Variants in ZNF253 observed in about 807,000 individuals in gnomAD.
ZNF253 encodes zinc finger protein 253, also known as DNA-binding protein.
A neutral mutation model predicts 11.9 loss-of-function variants in ZNF253; 8 were observed. The observed-to-expected ratio is 0.67, with a 90% CI of 0.40 to 1.22. ZNF253 has a LOEUF of 1.22. Ranked by LOEUF, ZNF253 falls within the 50% of genes most tolerant of loss-of-function variation. The pLI, the probability that ZNF253 is intolerant of heterozygous loss-of-function variation, is 0.01. For missense variants in ZNF253, 485 were observed against 586.9 expected (o/e 0.83, Z 1.79); for synonymous variants, 194 against 194.9 (o/e 1.00, Z 0.04).
intron 3 of ZNF253, among the ~76,000 whole-genome samples, chr19:19,881,838 A>ATTT (rs58532418): frequency 1.3e-4 from 19 of 151,190 alleles, no homozygotes; most frequent in East Asian, 7.8e-4. Context: ...ATTTCAATGG[A>ATTT]TTTTTTTTTA....
intron 3 of ZNF253, among the ~76,000 whole-genome samples, chr19:19,890,028 C>A (rs1255765104): frequency 6.6e-6 from 1 of 152,178 alleles, no homozygotes; most frequent in African/African-American, 2.4e-5. Flanking sequence ...ATGGGCCATG[C>A]TGCCCAAATA....
chr19:19,867,080 C>G (rs1436991805), intron 1 of ZNF253, among the ~76,000 whole-genome samples: 1 of 152,144 alleles, frequency 6.6e-6, no homozygotes, highest in Non-Finnish European at 1.5e-5. Context: ...GTGGCTCACG[C>G]CTGTAATAAC....
rs1468534700 is a variant in ZNF253, at chr19:19,868,830, TAATA to T, written c.3+2842_3+2845del. 3.4e-5 allele frequency among the ~76,000 whole-genome samples: 5 copies of T among 147,980 alleles called. No individual in the cohort carries two copies. The East Asian group carries it at 7.8e-4, about 23-fold the overall frequency. On this transcript the variant is annotated intron_variant, in intron 1 of 3. Transcript: ENST00000589717. ...ACATGTACCCCAGAACTTTAAAGTA[TAATA>T]AATAAATAAAAAGCTTAAAAAATAT...
intron 3 of ZNF253, among the ~76,000 whole-genome samples, chr19:19,888,682 T>C (rs373581625): frequency 6.6e-6 from 1 of 151,990 alleles, no homozygotes; most frequent in African/African-American, 2.4e-5. Flanking sequence ...ATGTTTATAA[T>C]AATTCCTCTA....
In ZNF253 at chr19:19,891,500, C is replaced by A; in HGVS notation, c.253C>A (p.Leu85Ile). 1.2e-6 allele frequency: 2 copies of A among 1,602,280 alleles called. No homozygotes were observed. Among genetic ancestry groups the A allele is most frequent in the Non-Finnish European group, 8.5e-7 (1 of 1,174,722 alleles). The change falls in exon 4 of 4, where the codon CTT (leucine) becomes ATT (isoleucine). Residue 85 changes from leucine (L) to isoleucine (I), a missense_variant. By Grantham distance (5) the Leu-to-Ile change is conservative. Coordinates refer to ENST00000589717, the MANE Select transcript of ZNF253 (RefSeq NM_021047.3). Reference protein sequence around the residue: ...PVMSSHFAQDLWPENIQNSFQ... With the variant: ...PVMSSHFAQDIWPENIQNSFQ... ...TATGAGTTCTCATTTTGCCCAAGAC[C>A]TTTGGCCAGAGAACATACAAAATTC...
chr19:19,877,380 CTT>C (rs57209218), intron 1 of ZNF253, among the ~76,000 whole-genome samples: 1 of 145,060 alleles, frequency 6.9e-6, no homozygotes. Flanking sequence ...TCTTCTTCTT[CTT>C]TTTTTTTTTT....
intron 1 of ZNF253, chr19:19,870,812 G>C (rs1255461300): frequency 6.6e-6 from 1 of 152,154 alleles, no homozygotes; most frequent in Admixed American, 6.5e-5. Context: ...AGATGGAAAA[G>C]AAACTTTATA....
chr19:19,887,083 A>G (rs980947827), intron 3 of ZNF253, among the ~76,000 whole-genome samples: 2 of 152,164 alleles, frequency 1.3e-5, no homozygotes, highest in South Asian at 4.1e-4. Context: ...TCTATGTCTC[A>G]TGGTAGTATT....
intron 3 of ZNF253, among the ~76,000 whole-genome samples, chr19:19,885,346 C>CT (rs1469642574): frequency 3.2e-5 from 2 of 62,922 alleles, no homozygotes; most frequent in Non-Finnish European, 5.0e-5. Context: ...TTCTTTCTTT[C>CT]TTTCTTTCTT....
chr19:19,875,481 T>C (rs1036471660), intron 1 of ZNF253, among the ~76,000 whole-genome samples: 19 of 152,052 alleles, frequency 1.2e-4, no homozygotes, highest in African/African-American at 4.6e-4. Flanking sequence ...CTGCAAGCTC[T>C]GCCTCCTGGG....
chr19:19,885,353 T>TCTTTCTTTCTTTCTTTCTTC (rs2063201385), intron 3 of ZNF253, among the ~76,000 whole-genome samples: 1 of 66,884 alleles, frequency 1.5e-5, no homozygotes, highest in Non-Finnish European at 2.4e-5. Context: ...TTTCTTTCTT[T>TCTTTCTTTCTTTCTTTCTTC]CTTCCTTTCT....
chr19:19,889,628 G>A (rs904551957), intron 3 of ZNF253, among the ~76,000 whole-genome samples: 1 of 151,758 alleles, frequency 6.6e-6, no homozygotes, highest in Non-Finnish European at 1.5e-5. Flanking sequence ...TTACAGGCAT[G>A]AGCCACTGTT....
chr19:19,883,846 G>A (rs1008142368), intron 3 of ZNF253, among the ~76,000 whole-genome samples: 3 of 151,656 alleles, frequency 2.0e-5, no homozygotes, highest in African/African-American at 7.3e-5. Flanking sequence ...ACCTGAGATC[G>A]GGAGTTTGAG....
chr19:19,885,784 CTTTAT>C (rs749463693), intron 3 of ZNF253, among the ~76,000 whole-genome samples: 6 of 152,112 alleles, frequency 3.9e-5, no homozygotes, highest in Non-Finnish European at 8.8e-5. Context: ...AATAATCCAA[CTTTAT>C]TTTATCAGTG....
At chr19:19,866,233 C>A (rs757849587) in intron 1 of ZNF253, among the ~76,000 whole-genome samples, 3 of 152,136 alleles carry the variant, frequency 2.0e-5, no homozygotes, top group African/African-American at 7.2e-5. Context: ...AGCTCTGCAC[C>A]CGCAGCACCG....
At chr19:19,879,753 A>C (rs935010712) in intron 2 of ZNF253, among the ~76,000 whole-genome samples, 2 of 152,250 alleles carry the variant, frequency 1.3e-5, no homozygotes, top group Non-Finnish European at 2.9e-5. Context: ...AAGTAATCTG[A>C]AAACTGTATT....
At chr19:19,891,413 T>C in intron 3 of ZNF253, 61 bp from the exon 4 acceptor site, 1 of 1,349,682 alleles carries the variant, frequency 7.4e-7, no homozygotes, top group Non-Finnish European at 1.0e-6. Flanking sequence ...AGGTTAGATT[T>C]GTAATGTATA....
intron 3 of ZNF253, among the ~76,000 whole-genome samples, chr19:19,887,893 C>T (rs566406625): frequency 2.7e-5 from 4 of 147,274 alleles, no homozygotes; most frequent in Admixed American, 1.4e-4. Context: ...TGCCCCACCA[C>T]GCCTGGCTAA....
intron 3 of ZNF253, 48 bp downstream of exon 3, chr19:19,880,194 C>T (rs2063171723): frequency 1.4e-6 from 2 of 1,417,398 alleles, no homozygotes; most frequent in South Asian, 1.3e-5. Context: ...GATAAAAGGT[C>T]CCAATGTCAA....
Sources: allele counts gnomAD v4.1 joint callset (sites outside exome capture counted in the v4.1 genomes callset), GRCh38; gene constraint gnomAD v4.1.1; transcripts MANE v1.5; gene names NCBI Gene and HGNC (gene_info 2026-07-23, HGNC 2026-07-21).